The following RB1 variants were observed in gnomAD, a reference collection of about 807,000 sequenced individuals.
RB1 encodes the protein retinoblastoma-associated protein.
Under a neutral mutation model 135.4 loss-of-function variants are expected in RB1, and 18 were observed. The observed-to-expected ratio is 0.13, with a 90% CI of 0.09 to 0.20. RB1 has a LOEUF of 0.20. Among genes scored for constraint, RB1 ranks in the 10% least tolerant of loss-of-function variants. The pLI, the probability that RB1 is intolerant of heterozygous loss-of-function variation, is 1.00. For missense variants in RB1, 868 were observed against 1,110.0 expected, an observed-to-expected ratio of 0.78 and a Z score of 3.10; for synonymous variants, 365 against 373.2, an observed-to-expected ratio of 0.98 and a Z score of 0.25.
intron 2 of RB1, among the ~76,000 whole-genome samples, chr13:48,335,136 A>C (rs555730977): frequency 2.6e-5 from 4 of 152,184 alleles, no homozygotes; most frequent in African/African-American, 9.6e-5. Context: ...AATTGGAATC[A>C]AAATATGTGC....
chr13:48,304,526 T>G (rs746377745), intron 1 of RB1, among the ~76,000 whole-genome samples: 8 of 152,040 alleles, frequency 5.3e-5, no homozygotes, highest in Non-Finnish European at 1.0e-4. Flanking sequence ...TGAAGTCCAT[T>G]TGTGGGAGAG....
At chr13:48,473,714 T>A (rs190059025) in intron 24 of RB1, among the ~76,000 whole-genome samples, 2 of 152,260 alleles carry the variant, frequency 1.3e-5, no homozygotes, top group Admixed American at 1.3e-4. Context: ...TGTGTGAGAT[T>A]TTTTTCTCAC....
At chr13:48,328,199 T>C in intron 2 of RB1, 1 of 1,487,246 alleles carries the variant, frequency 6.7e-7, no homozygotes. Context: ...CTGATGTTGG[T>C]GTATCCCTTG....
chr13:48,326,289 G>A (rs1351003650), intron 2 of RB1, among the ~76,000 whole-genome samples: 1 of 151,318 alleles, frequency 6.6e-6, no homozygotes, highest in African/African-American at 2.4e-5. Flanking sequence ...TTTTTCCTCT[G>A]TATCTCAATG....
rs375815601 is a variant in RB1 at position 48,331,500 on chromosome 13, A to G, written c.265-11099A>G. On this transcript the variant is annotated intron_variant, in intron 2 of 26. Coordinates refer to ENST00000267163, the MANE Select transcript of RB1 (RefSeq NM_000321.3). ...ATCAGTGGCTTTATCCCAAGCTAAC[A>G]TCTTAGCATGCTCAGTTCTCTCACC... 7.2e-5 allele frequency among the ~76,000 whole-genome samples: 11 copies of G among 152,256 alleles called. No homozygotes were observed. The South Asian group carries it at 2.1e-3, about 29-fold the overall frequency.
rs1388807547 is a variant in RB1 at position 48,320,146 on chromosome 13, G to A, written c.264+12740G>A. 6 of 801,900 alleles carry A rather than the reference G, an allele frequency of 7.5e-6. No homozygotes were observed. The East Asian group carries it at 1.4e-4, about 18-fold the overall frequency. 49.7% of individuals were successfully genotyped at this position (801,900 alleles called of 1,614,324 possible). On this transcript the variant is annotated intron_variant, in intron 2 of 26. Transcript: ENST00000267163. ...ATCTAGCACCAACGGGCCAAAGTCT[G>A]CAGTTTCCTCCTCCCTCATGGGGTC...
chr13:48,372,533 C>T (rs1952770044), intron 11 of RB1, among the ~76,000 whole-genome samples: 1 of 151,972 alleles, frequency 6.6e-6, no homozygotes, highest in Non-Finnish European at 1.5e-5. Context: ...CACCTGTAAT[C>T]CCAGATAATC....
intron 17 of RB1, chr13:48,417,410 A>G (rs1385615057): frequency 6.6e-6 from 1 of 152,182 alleles, no homozygotes; most frequent in Non-Finnish European, 1.5e-5. Flanking sequence ...CCACACAGAA[A>G]CCCCATTTGA....
intron 17 of RB1, among the ~76,000 whole-genome samples, chr13:48,424,792 C>G (rs1021055746): frequency 6.6e-6 from 1 of 152,172 alleles, no homozygotes; most frequent in African/African-American, 2.4e-5. Flanking sequence ...GTGGCTCATG[C>G]ATGTAATCCT....
At chr13:48,389,895 C>T (rs1948598503) in intron 17 of RB1, 1 of 152,334 alleles carries the variant, frequency 6.6e-6, no homozygotes, top group Admixed American at 6.5e-5. Context: ...TGTCTCACAC[C>T]TGTAATCCCA....
intron 2 of RB1, among the ~76,000 whole-genome samples, chr13:48,314,382 C>G (rs1952161383): frequency 6.6e-6 from 1 of 152,180 alleles, no homozygotes; most frequent in Non-Finnish European, 1.5e-5. Context: ...TTTCAGTTTT[C>G]AGAGTATAAA....
At chr13:48,443,554 T>G (rs776629802) in intron 17 of RB1, among the ~76,000 whole-genome samples, 14 of 152,186 alleles carry the variant, frequency 9.2e-5, no homozygotes, top group Non-Finnish European at 1.9e-4. Flanking sequence ...AGGTAATACA[T>G]TCAAATAAAA....
intron 17 of RB1, among the ~76,000 whole-genome samples, chr13:48,428,777 A>G (rs1306642067): frequency 6.6e-6 from 1 of 152,250 alleles, no homozygotes; most frequent in Non-Finnish European, 1.5e-5. Context: ...CAAGTTTTAT[A>G]CAAAAGCAGG....
At chr13:48,439,724 T>C (rs1307751543) in intron 17 of RB1, 1 of 152,178 alleles carries the variant, frequency 6.6e-6, no homozygotes, top group African/African-American at 2.4e-5. Context: ...TCTGTACTTT[T>C]TACATTTGAT....
At chr13:48,411,858 T>C (rs1948811764) in intron 17 of RB1, 1 of 1,613,750 alleles carries the variant, frequency 6.2e-7, no homozygotes, top group Non-Finnish European at 8.5e-7. Context: ...TCCCACTATT[T>C]CGATGAAAAT....
At chr13:48,350,462 T>C (rs901907147) in intron 6 of RB1, among the ~76,000 whole-genome samples, 1 of 152,084 alleles carries the variant, frequency 6.6e-6, no homozygotes, top group African/African-American at 2.4e-5. Flanking sequence ...ATTAAAAAAA[T>C]TTTTGAAACA....
At position 48,414,787 on chromosome 13, in the gene RB1, A is replaced by G. The variant is rs568236262; in HGVS notation, c.1695+33344A>G. 1.6e-4 allele frequency among the ~76,000 whole-genome samples: 24 copies of G among 152,360 alleles called. No homozygotes were observed. The South Asian group carries it at 2.5e-3, about 16-fold the overall frequency. ...ATTCATCTATTATCAAATGACAAAA[A>G]AAGATGAGTATTACTTATAACCAAT... On this transcript the variant is annotated intron_variant, in intron 17 of 26. Coordinates refer to ENST00000267163, the MANE Select transcript of RB1 (RefSeq NM_000321.3).
intron 13 of RB1, among the ~76,000 whole-genome samples, chr13:48,378,370 T>C (rs189352467): frequency 6.6e-6 from 1 of 152,264 alleles, no homozygotes; most frequent in Admixed American, 6.5e-5. Context: ...TTCAATTTCA[T>C]AAAGATTTTT....
rs1949536862 is a variant in RB1 at position 48,481,269 on chromosome 13, G to C, written c.*1198G>C. 8.6e-6 allele frequency: 2 copies of C among 231,906 alleles called. No homozygotes were observed. The highest frequency in any genetic ancestry group is 1.7e-5 in the Non-Finnish European group (2 of 117,140). The allele number at this position is 231,906 out of a possible 1,614,324, so 14.4% of individuals were successfully genotyped here. A position where few individuals can be genotyped will look rare whatever the true frequency, so the allele number is the denominator to read the frequency against. ...TACAAGTAATCAAGGGTCATTATGG[G>C]TTAGGCATTAATGTTTCTATCTGAT... On this transcript the variant is annotated 3_prime_UTR_variant, in exon 27 of 27. Coordinates refer to ENST00000267163, the MANE Select transcript of RB1 (RefSeq NM_000321.3).
Sources: allele counts gnomAD v4.1 joint callset (sites outside exome capture counted in the v4.1 genomes callset), GRCh38; gene constraint gnomAD v4.1.1; transcripts MANE v1.5; gene names NCBI Gene and HGNC (gene_info 2026-07-23, HGNC 2026-07-21).